Variants in SLC9B1 observed in about 807,000 individuals in gnomAD.
SLC9B1 encodes the protein sodium/hydrogen exchanger 9B1.
A neutral mutation model predicts 51.7 loss-of-function variants in SLC9B1; 32 were observed. The observed-to-expected ratio is 0.62, with a 90% confidence interval of 0.47 to 0.83. The LOEUF (loss-of-function observed/expected upper bound fraction) is 0.83. Among genes scored for constraint, SLC9B1 ranks in the 40% least tolerant of loss-of-function variants. SLC9B1 has a pLI of 0.00. For synonymous variants in SLC9B1, 145 were observed against 212.7 expected, an observed-to-expected ratio of 0.68 and a Z score of 2.77; for missense variants, 406 against 613.2, an observed-to-expected ratio of 0.66 and a Z score of 3.57.
At chr4:102,931,978 T>C in intron 7 of SLC9B1, 146 bp downstream of exon 7, 1 of 705,068 alleles carries the variant, frequency 1.4e-6, no homozygotes. Flanking sequence ...TTCCTTGGTC[T>C]AGAATGAGCT....
intron 1 of SLC9B1, chr4:103,014,811 A>C (rs931383217): frequency 4.6e-5 from 7 of 152,354 alleles, no homozygotes; most frequent in Non-Finnish European, 7.4e-5. Flanking sequence ...AAACTAATAT[A>C]GTGGAAAATA....
At chr4:102,937,673 G>A (rs1485199149) in intron 6 of SLC9B1, among the ~76,000 whole-genome samples, 1 of 122,884 alleles carries the variant, frequency 8.1e-6, no homozygotes, top group East Asian at 2.7e-4. Flanking sequence ...GCAGTGAGCT[G>A]AGATAGCACC....
chr4:102,985,096 C>T (rs1185627943), intron 3 of SLC9B1, among the ~76,000 whole-genome samples: 1 of 152,194 alleles, frequency 6.6e-6, no homozygotes, highest in Non-Finnish European at 1.5e-5. Context: ...TTCCTGATAA[C>T]ACTCATTGCT....
intron 6 of SLC9B1, among the ~76,000 whole-genome samples, chr4:102,937,462 C>T (rs1375175605): frequency 7.3e-6 from 1 of 137,042 alleles, no homozygotes; most frequent in Non-Finnish European, 1.5e-5. Flanking sequence ...TGTGGTGGCT[C>T]ATGCCTGTAA....
intron 3 of SLC9B1, among the ~76,000 whole-genome samples, chr4:102,983,792 C>T (rs1022522982): frequency 2.6e-5 from 4 of 152,044 alleles, no homozygotes. Context: ...GTTAGTTTGG[C>T]TAAAGGCTTA....
intron 6 of SLC9B1, among the ~76,000 whole-genome samples, chr4:102,936,378 A>G (rs757810160): frequency 2.0e-5 from 3 of 152,234 alleles, no homozygotes; most frequent in Non-Finnish European, 4.4e-5. Context: ...TCAAGCAATC[A>G]TACTAACTCT....
At chr4:102,939,845 G>A (rs1736905104) in intron 6 of SLC9B1, among the ~76,000 whole-genome samples, 2 of 152,076 alleles carry the variant, frequency 1.3e-5, no homozygotes, top group African/African-American at 4.8e-5. Context: ...GTTACTGAAG[G>A]AGCATACCTC....
rs1737784913 is a variant in SLC9B1, at chr4:102,955,899, A to AGAG, written c.212-6473_212-6472insCTC. ...AAAGAAAGAAAGAAAGAAAGAAAGAAAGAGAGAGAAAGACCCACATGCAAG... is the reference window on the plus strand; with the variant it reads ...AAAGAAAGAAAGAAAGAAAGAAAGAAGAGAGAGAGAGAAAGACCCACATGCAAG... On this transcript the variant is annotated intron_variant, in intron 3 of 11. Transcript: ENST00000296422. Among the ~76,000 whole-genome samples the AGAG allele has an allele frequency of 7.4e-5, 8 of 107,962 alleles. No homozygotes were observed. In the East Asian group the frequency reaches 7.6e-4, roughly 10 times the overall value. The allele number at this position is 107,962 out of a possible 152,430, so 70.8% of individuals were successfully genotyped here.
chr4:102,992,989 A>G (rs576720996), intron 1 of SLC9B1, among the ~76,000 whole-genome samples: 49 of 152,236 alleles, frequency 3.2e-4, no homozygotes, highest in African/African-American at 1.1e-3. Context: ...AACTCACAAG[A>G]TCCAGCTACC....
chr4:102,888,035 CT>C (rs1734024737), intron 11 of SLC9B1: 1 of 149,464 alleles, frequency 6.7e-6, no homozygotes, highest in Admixed American at 6.8e-5. Context: ...GATTTGTTTA[CT>C]TTACAAAAGG....
chr4:102,971,570 T>C (rs1192757475), intron 3 of SLC9B1, among the ~76,000 whole-genome samples: 1 of 151,770 alleles, frequency 6.6e-6, no homozygotes, highest in African/African-American at 2.4e-5. Flanking sequence ...AACATCACAA[T>C]GAAAAGAACT....
intron 7 of SLC9B1, among the ~76,000 whole-genome samples, chr4:102,923,408 T>C (rs1192412569): frequency 6.6e-6 from 1 of 152,198 alleles, no homozygotes; most frequent in Non-Finnish European, 1.5e-5. Context: ...TGATGGGACG[T>C]ATCTTAAAAT....
intron 6 of SLC9B1, among the ~76,000 whole-genome samples, chr4:102,941,673 G>GAA (rs1737008561): frequency 7.1e-6 from 1 of 140,104 alleles, no homozygotes; most frequent in African/African-American, 2.7e-5. Flanking sequence ...CCGAGAGAGA[G>GAA]AGAGAAAGAA....
chr4:102,897,829 T>G, downstream of SLC9B1: 2 of 418,884 alleles, frequency 4.8e-6, no homozygotes, highest in South Asian at 3.8e-5. Flanking sequence ...TTGCCGCTAC[T>G]GCTACTACAG....
chr4:102,929,566 G>C (rs1282002713), intron 7 of SLC9B1, among the ~76,000 whole-genome samples: 7 of 152,184 alleles, frequency 4.6e-5, no homozygotes, highest in African/African-American at 1.2e-4. Flanking sequence ...TGTCACCCAG[G>C]CTGGAGTGCA....
intron 3 of SLC9B1, among the ~76,000 whole-genome samples, chr4:102,966,766 G>A (rs1169292403): frequency 1.3e-5 from 2 of 152,154 alleles, no homozygotes; most frequent in African/African-American, 4.8e-5. Context: ...CTTTAGTATT[G>A]GTTGTTCTGC....
At chr4:103,018,828 C>T (rs1258949208) in intron 1 of SLC9B1, among the ~76,000 whole-genome samples, 1 of 152,110 alleles carries the variant, frequency 6.6e-6, no homozygotes, top group Non-Finnish European at 1.5e-5. Context: ...GGTTTGTGGC[C>T]TATTAGGAAC....
intron 3 of SLC9B1, chr4:102,962,492 C>T (rs1738191100): frequency 2.0e-6 from 1 of 487,916 alleles, no homozygotes; most frequent in African/African-American, 2.0e-5. Context: ...ATTTAATGTA[C>T]CAGGATTCTA....
At chr4:102,928,637 G>C (rs3974603) in intron 7 of SLC9B1, among the ~76,000 whole-genome samples, 88,190 of 152,008 alleles carry the variant, frequency 0.58, 27,009 homozygotes, top group African/African-American at 0.79. Context: ...GTTCTCTAGA[G>C]GGATAGAACT....
Sources: gnomAD v4.1 joint callset for allele counts (sites outside exome capture counted in the v4.1 genomes callset) on GRCh38, gnomAD v4.1.1 for gene constraint, MANE v1.5 for transcripts, NCBI Gene and HGNC (gene_info 2026-07-23, HGNC 2026-07-21) for gene names.